The following PLXNA4 variants were observed in gnomAD, a reference collection of about 807,000 sequenced individuals.
PLXNA4 encodes plexin-A4.
Under a neutral mutation model 191.8 loss-of-function variants are expected in PLXNA4, and 44 were observed. The ratio of observed to expected loss-of-function variants is 0.23; its 90% confidence interval spans 0.18 to 0.29. PLXNA4 has a LOEUF of 0.29. Ranked by LOEUF, PLXNA4 falls within the 10% of genes least tolerant of loss-of-function variation. The probability of loss-of-function intolerance (pLI) is 1.00; values close to 1 mark genes in which losing one functional copy is unlikely to be tolerated. For synonymous variants in PLXNA4, 1,082 were observed against 1,009.5 expected (o/e 1.07, Z -1.36); for missense variants, 1,800 against 2,488.8 (o/e 0.72, Z 5.89).
intron 1 of PLXNA4, among the ~76,000 whole-genome samples, chr7:132,573,652 G>GGA (rs55760360): frequency 1.2e-3 from 185 of 149,760 alleles, no homozygotes; most frequent in Non-Finnish European, 2.3e-3. Context: ...GGAAGGCACA[G>GGA]AGAAGGAGAA....
At chr7:132,153,239 G>A (rs1795696474) in intron 25 of PLXNA4, among the ~76,000 whole-genome samples, 1 of 152,168 alleles carries the variant, frequency 6.6e-6, no homozygotes, top group Non-Finnish European at 1.5e-5. Flanking sequence ...GTAGTTCTAG[G>A]GATCGATGAG....
At chr7:132,510,188 T>A (rs770604180) in intron 1 of PLXNA4, among the ~76,000 whole-genome samples, 1 of 152,052 alleles carries the variant, frequency 6.6e-6, no homozygotes, top group Non-Finnish European at 1.5e-5. Context: ...CTCTGTGGAA[T>A]TTTTCTCATT....
chr7:132,562,040 TTCC>T (rs1179331413), intron 1 of PLXNA4, among the ~76,000 whole-genome samples: 2 of 40,824 alleles, frequency 4.9e-5, no homozygotes, highest in African/African-American at 8.7e-5. Flanking sequence ...TCTCCTCCTC[TTCC>T]TCCTCCTCTC....
intron 4 of PLXNA4, among the ~76,000 whole-genome samples, chr7:132,295,704 G>A (rs1386898166): frequency 2.6e-5 from 4 of 152,058 alleles, no homozygotes; most frequent in Non-Finnish European, 5.9e-5. Flanking sequence ...GGGCTGCTGT[G>A]CTCCAACCCA....
intron 13 of PLXNA4, among the ~76,000 whole-genome samples, chr7:132,196,012 T>C (rs1797243841): frequency 6.6e-6 from 1 of 152,238 alleles, no homozygotes; most frequent in African/African-American, 2.4e-5. Context: ...AATTAATGCA[T>C]GTTTGGTGTT....
intron 3 of PLXNA4, among the ~76,000 whole-genome samples, chr7:132,446,197 T>C (rs1795906420): frequency 6.6e-6 from 1 of 152,228 alleles, no homozygotes; most frequent in South Asian, 2.1e-4. Flanking sequence ...AAATTGCATG[T>C]AGCGTGCTTA....
chr7:132,291,847 T>G (rs12670541), intron 4 of PLXNA4, among the ~76,000 whole-genome samples: 2 of 151,814 alleles, frequency 1.3e-5, no homozygotes, highest in Non-Finnish European at 2.9e-5. Context: ...TAGGCTGGAG[T>G]GCAGTGGCAT....
chr7:132,386,120 T>C (rs1805126372), intron 3 of PLXNA4, among the ~76,000 whole-genome samples: 1 of 152,134 alleles, frequency 6.6e-6, no homozygotes, highest in African/African-American at 2.4e-5. Context: ...AATCAGTCCA[T>C]TGATAGAGGG....
At chr7:132,199,148 A>G (rs1797352889) in intron 12 of PLXNA4, among the ~76,000 whole-genome samples, 1 of 152,018 alleles carries the variant, frequency 6.6e-6, no homozygotes, top group South Asian at 2.1e-4. Context: ...ACATGGCAAC[A>G]ATTCTTTGTG....
intron 15 of PLXNA4, among the ~76,000 whole-genome samples, chr7:132,187,139 C>T (rs1796904963): frequency 6.6e-6 from 1 of 152,126 alleles, no homozygotes; most frequent in Non-Finnish European, 1.5e-5. Context: ...ACAATTTCAT[C>T]TGCAACCCAA....
intron 25 of PLXNA4, among the ~76,000 whole-genome samples, chr7:132,157,430 C>T (rs188293567): frequency 3.9e-4 from 60 of 152,294 alleles, no homozygotes; most frequent in African/African-American, 1.3e-3. Context: ...GCTTGCACTC[C>T]CAGGCTTTTT....
intron 1 of PLXNA4, among the ~76,000 whole-genome samples, chr7:132,561,607 TCTCTTCCTC>T (rs1801084746): frequency 2.4e-5 from 1 of 42,418 alleles, no homozygotes; most frequent in Non-Finnish European, 4.5e-5. Flanking sequence ...TCCTCCTCCT[TCTCTTCCTC>T]CTCCTCCTCT....
At chr7:132,155,004 C>T (rs1444678828) in intron 25 of PLXNA4, among the ~76,000 whole-genome samples, 1 of 152,234 alleles carries the variant, frequency 6.6e-6, no homozygotes, top group Non-Finnish European at 1.5e-5. Context: ...GAGACAGCTG[C>T]TGTGAACTCT....
chr7:132,194,272 G>A lies in PLXNA4; in HGVS notation c.2739-93C>T, dbSNP rs1275259653. The stretch of plus-strand genomic sequence containing the variant: ...ACCTACCCAGGTCCCTTTCTCCACA[G>A]TAGGATCTCAGGGATGGCCAGGTAG... On this transcript the variant is annotated intron_variant, in intron 13 of 31. Coordinates refer to ENST00000321063, the MANE Select transcript of PLXNA4 (RefSeq NM_020911.2). 7.4e-6 allele frequency: 11 copies of A among 1,484,292 alleles called. No homozygotes were observed. In the Admixed American group the frequency reaches 1.4e-4, roughly 19 times the overall value. The allele number at this position is 1,484,292 out of a possible 1,614,324, so 91.9% of individuals were successfully genotyped here.
At chr7:132,294,966 A>T (rs1325996341) in intron 4 of PLXNA4, among the ~76,000 whole-genome samples, 1 of 152,244 alleles carries the variant, frequency 6.6e-6, no homozygotes, top group Non-Finnish European at 1.5e-5. Context: ...ATCCAAAGCT[A>T]TGAGAAAACA....
intron 27 of PLXNA4, 72 bp from the exon 28 acceptor site, chr7:132,146,772 C>A: frequency 2.5e-6 from 4 of 1,576,464 alleles, no homozygotes; most frequent in Non-Finnish European, 3.5e-6. Context: ...ACCATGCATC[C>A]CTTGCTCCGG....
chr7:132,131,015 C>T (rs1794911064), intron 31 of PLXNA4, among the ~76,000 whole-genome samples: 1 of 152,196 alleles, frequency 6.6e-6, no homozygotes, highest in South Asian at 2.1e-4. Context: ...ACCCTTCCTC[C>T]CGCAGAAATA....
intron 10 of PLXNA4, among the ~76,000 whole-genome samples, chr7:132,203,938 G>A (rs958781147): frequency 1.3e-5 from 2 of 152,198 alleles, no homozygotes; most frequent in Non-Finnish European, 2.9e-5. Context: ...TTCCCAGGCA[G>A]GGCGGTGGTT....
chr7:132,493,124 A>G (rs748735160), intron 2 of PLXNA4, among the ~76,000 whole-genome samples: 3 of 152,122 alleles, frequency 2.0e-5, no homozygotes, highest in Non-Finnish European at 4.4e-5. Flanking sequence ...AAAGCCTTCA[A>G]CAGGTGAGGG....
Sources: gnomAD v4.1 joint callset for allele counts (sites outside exome capture counted in the v4.1 genomes callset) on GRCh38, gnomAD v4.1.1 for gene constraint, MANE v1.5 for transcripts, NCBI Gene and HGNC (gene_info 2026-07-23, HGNC 2026-07-21) for gene names.